Variants in PAX7 observed in about 807,000 individuals in gnomAD.
The protein encoded by PAX7 is paired box protein Pax-7.
Under a neutral mutation model 50.7 loss-of-function variants are expected in PAX7, and 18 were observed. The ratio of observed to expected loss-of-function variants is 0.36; its 90% CI spans 0.25 to 0.53. PAX7 has a LOEUF of 0.53. PAX7 is among the 20% of genes least tolerant of loss of function. The pLI is 0.93. For synonymous variants in PAX7, 310 were observed against 290.4 expected (o/e 1.07, Z -0.69); for missense variants, 644 against 702.9 (o/e 0.92, Z 0.95).
At chr1:18,667,509 A>G (rs2088688565) in intron 4 of PAX7, among the ~76,000 whole-genome samples, 1 of 152,130 alleles carries the variant, frequency 6.6e-6, no homozygotes, top group Non-Finnish European at 1.5e-5. Context: ...TCTTTCCCCA[A>G]GAAGCCAGAT....
chr1:18,650,912 C>T (rs1570122936), intron 4 of PAX7, among the ~76,000 whole-genome samples: 1 of 152,142 alleles, frequency 6.6e-6, no homozygotes, highest in African/African-American at 2.4e-5. Context: ...GCTGGCAGGG[C>T]AAGACCTCTG....
At chr1:18,687,981 G>A (rs2089001380) in intron 4 of PAX7, among the ~76,000 whole-genome samples, 1 of 152,152 alleles carries the variant, frequency 6.6e-6, no homozygotes, top group South Asian at 2.1e-4. Flanking sequence ...CAGGACCCAG[G>A]GATCAGCTGA....
chr1:18,634,228 G>A lies in PAX7; in HGVS notation c.86-75G>A. On this transcript the variant is annotated intron_variant, in intron 1 of 8. Transcript: ENST00000420770. This position sits in a 1 kb window ranked among gnomAD's most constrained non-coding sequence, Gnocchi z 4.0. ...GCTCAAACAAACAAAACTGGAGTCA[G>A]GGAGTGTACTCAGTGTCTGCTCTCC... is the stretch of plus-strand genomic sequence containing the variant. The A allele has an allele frequency of 8.3e-7, 1 of 1,203,346 alleles. No individual in the cohort carries two copies. The highest frequency in any genetic ancestry group is 1.2e-6 in the Non-Finnish European group (1 of 843,426). 74.5% of individuals were successfully genotyped at this position (1,203,346 alleles called of 1,614,324 possible).
intron 5 of PAX7, among the ~76,000 whole-genome samples, chr1:18,699,397 C>T (rs1001242557): frequency 1.2e-4 from 18 of 152,212 alleles, no homozygotes; most frequent in African/African-American, 3.6e-4. Context: ...GCCAAAGAGC[C>T]AGCTGCAGGA....
At chr1:18,640,937 G>A (rs2088243203) in intron 4 of PAX7, among the ~76,000 whole-genome samples, 1 of 152,102 alleles carries the variant, frequency 6.6e-6, no homozygotes. Context: ...CCGGCGAGGG[G>A]CCGAGCCCAC....
Position 18,703,013 on chromosome 1 carries a change from C to T in PAX7, c.953-81C>T, listed in dbSNP as rs531908279. On this transcript the variant is annotated intron_variant, in intron 6 of 8. Coordinates refer to ENST00000420770, the MANE Select transcript of PAX7 (RefSeq NM_001135254.2). ...GAATGGAGACCGGGAGGAGGAGTCT[C>T]TTGGCTTGCCTTCTGCTCTCAGAGG... The T allele has an allele frequency of 6.7e-5, 87 of 1,301,488 alleles. No homozygotes were observed. In the African/African-American group the frequency reaches 1.1e-3, roughly 16 times the overall value. The allele number at this position is 1,301,488 out of a possible 1,614,324, so 80.6% of individuals were successfully genotyped here.
intron 4 of PAX7, among the ~76,000 whole-genome samples, chr1:18,659,229 C>G (rs555946298): frequency 6.6e-6 from 1 of 152,326 alleles, no homozygotes; most frequent in South Asian, 2.1e-4. Flanking sequence ...ACATTTTATT[C>G]TGCTTTGATC....
intron 4 of PAX7, among the ~76,000 whole-genome samples, chr1:18,684,506 A>G (rs995033453): frequency 6.6e-5 from 10 of 152,136 alleles, no homozygotes; most frequent in Non-Finnish European, 1.3e-4. Flanking sequence ...GCCACGCCCG[A>G]GCCCCGTACA....
At chr1:18,692,305 G>A (rs1301215835) in intron 5 of PAX7, among the ~76,000 whole-genome samples, 1 of 152,110 alleles carries the variant, frequency 6.6e-6, no homozygotes, top group Non-Finnish European at 1.5e-5. Flanking sequence ...ACTTCGGGAG[G>A]CCGAGGTGGG....
intron 5 of PAX7, among the ~76,000 whole-genome samples, chr1:18,695,568 C>T (rs2089140373): frequency 1.3e-5 from 2 of 152,204 alleles, no homozygotes; most frequent in Non-Finnish European, 2.9e-5. Flanking sequence ...TGCTTGAAGC[C>T]TGCTAGATGT....
intron 7 of PAX7, among the ~76,000 whole-genome samples, chr1:18,722,650 C>T (rs2089509627): frequency 6.6e-6 from 1 of 152,156 alleles, no homozygotes; most frequent in Admixed American, 6.5e-5. Context: ...GTCGACATAG[C>T]TGGAAGGGCT....
intron 4 of PAX7, among the ~76,000 whole-genome samples, chr1:18,663,399 T>G (rs1039976676): frequency 2.0e-5 from 3 of 152,228 alleles, no homozygotes; most frequent in Non-Finnish European, 2.9e-5. Context: ...TGTTTTGTTT[T>G]TGAGACAGAG....
chr1:18,655,293 T>C (rs2088496617), intron 4 of PAX7, among the ~76,000 whole-genome samples: 1 of 152,104 alleles, frequency 6.6e-6, no homozygotes, highest in South Asian at 2.1e-4. Context: ...GAAATGCAGG[T>C]GGCACGTCCC....
At chr1:18,695,141 C>G (rs2089134998) in intron 5 of PAX7, among the ~76,000 whole-genome samples, 1 of 151,906 alleles carries the variant, frequency 6.6e-6, no homozygotes, top group Non-Finnish European at 1.5e-5. Context: ...CCACCCTCCA[C>G]CCATCTCTCA....
intron 5 of PAX7, 69 bp downstream of exon 5, chr1:18,692,022 G>A: frequency 1.4e-6 from 2 of 1,474,264 alleles, no homozygotes; most frequent in Non-Finnish European, 1.9e-6. Context: ...GGATGGCCAA[G>A]GTCAGTGGGT....
chr1:18,637,767 G>A (rs1312344980), intron 4 of PAX7, among the ~76,000 whole-genome samples: 1 of 152,276 alleles, frequency 6.6e-6, no homozygotes, highest in Non-Finnish European at 1.5e-5. Flanking sequence ...TGGAGCGAAG[G>A]GAAGGGGCGG....
intron 7 of PAX7, among the ~76,000 whole-genome samples, chr1:18,712,574 C>A (rs1173584111): frequency 1.3e-5 from 2 of 152,170 alleles, no homozygotes; most frequent in Non-Finnish European, 2.9e-5. Flanking sequence ...GTGGAGCATG[C>A]CTATGAGTAG....
chr1:18,744,858 C>A lies in PAX7; in HGVS notation c.1447C>A (p.Arg483Ser). 6.4e-7 allele frequency: 1 copy of A among 1,558,248 alleles called. No individual in the cohort carries two copies. The change falls in exon 9 of 9, where the codon CGT (arginine) becomes AGT (serine). Residue 483 changes from arginine to serine, a missense_variant. Coordinates refer to ENST00000420770, the MANE Select transcript of PAX7 (RefSeq NM_001135254.2). Reference sequence around the variant, plus strand: ...CAAAAATGTGAGCCTCTCCACCCAGCGTCGCATGAAGCTCGGGGAGCACTC... The same window carrying A: ...CAAAAATGTGAGCCTCTCCACCCAGAGTCGCATGAAGCTCGGGGAGCACTC... ...LAKNVSLSTQ[R>S]RMKLGEHSAV...
rs1476817698 is a variant in PAX7, at chr1:18,735,417, C to T, written c.1156-215C>T. ...CTCAGTGGAAGGAGGATCCCTGGGT[C>T]AGGACCCTCCTTCAAGAGAAACACC... is the stretch of plus-strand genomic sequence containing the variant. On this transcript the variant is annotated intron_variant, in intron 7 of 8. Transcript: ENST00000420770. The surrounding 1 kb of genome is among the most constrained non-coding windows in gnomAD (Gnocchi z 4.0). Among the ~76,000 whole-genome samples, 1 of 152,192 alleles carries T rather than the reference C, an allele frequency of 6.6e-6. No individual in the cohort carries two copies.
Sources: allele counts gnomAD v4.1 joint callset (sites outside exome capture counted in the v4.1 genomes callset), GRCh38; gene constraint gnomAD v4.1.1; non-coding constraint Gnocchi (gnomAD v3.1); transcripts MANE v1.5; gene names NCBI Gene and HGNC (gene_info 2026-07-23, HGNC 2026-07-21).